Variants in ITGA9 observed in about 807,000 individuals in gnomAD.
ITGA9 encodes integrin subunit alpha 9.
In ITGA9, 56 loss-of-function variants were observed where a neutral mutation model predicts 127.8. The ratio of observed to expected loss-of-function variants is 0.44; its 90% CI spans 0.35 to 0.55. The LOEUF is 0.55. ITGA9 is among the 20% of genes least tolerant of loss of function. ITGA9 has a pLI of 0.00. For synonymous variants in ITGA9, 508 were observed against 514.5 expected, an observed-to-expected ratio of 0.99 and a Z score of 0.17; for missense variants, 1,196 against 1,347.1, an observed-to-expected ratio of 0.89 and a Z score of 1.76.
At chr3:37,681,440 C>T (rs1280538485) in intron 17 of ITGA9, among the ~76,000 whole-genome samples, 1 of 152,104 alleles carries the variant, frequency 6.6e-6, no homozygotes, top group Admixed American at 6.5e-5. Flanking sequence ...ACTTGATCAC[C>T]CTTAGATCAC....
intron 19 of ITGA9, 172 bp downstream of exon 19, chr3:37,732,970 G>T: frequency 1.5e-6 from 1 of 665,994 alleles, no homozygotes; most frequent in Non-Finnish European, 2.7e-6. Context: ...TGTACACCGG[G>T]GTATACTCCG....
At chr3:37,580,273 C>G (rs1263517241) in intron 15 of ITGA9, among the ~76,000 whole-genome samples, 1 of 152,122 alleles carries the variant, frequency 6.6e-6, no homozygotes, top group African/African-American at 2.4e-5. Context: ...GACAGGGAAT[C>G]CTTCTGAAAA....
intron 26 of ITGA9, among the ~76,000 whole-genome samples, chr3:37,788,368 A>G (rs192946489): frequency 1.3e-5 from 2 of 152,308 alleles, no homozygotes; most frequent in East Asian, 1.9e-4. Flanking sequence ...GTCATAAACT[A>G]CAGAACCTTA....
intron 17 of ITGA9, among the ~76,000 whole-genome samples, chr3:37,661,549 G>C (rs1430645019): frequency 6.6e-6 from 1 of 152,222 alleles, no homozygotes; most frequent in Non-Finnish European, 1.5e-5. Context: ...CAATGTGAGG[G>C]AAGATACAAT....
At chr3:37,602,282 A>C (rs2154759) in intron 15 of ITGA9, among the ~76,000 whole-genome samples, 80,385 of 151,996 alleles carry the variant, frequency 0.53, 21,816 homozygotes, top group East Asian at 0.61. Flanking sequence ...CAAAACAAAA[A>C]AAAAATGTTT....
chr3:37,697,829 T>A (rs1700901755), intron 18 of ITGA9, among the ~76,000 whole-genome samples: 1 of 152,220 alleles, frequency 6.6e-6, no homozygotes, highest in Non-Finnish European at 1.5e-5. Context: ...GCATGATTTA[T>A]AATCCTTTGG....
At position 37,743,971 on chromosome 3, in the gene ITGA9, A is replaced by G; in HGVS notation, c.2370A>G (p.Ala790=). Residue 790 remains alanine, a synonymous_variant, in exon 22 of 28, where the codon GCA becomes GCG. Transcript: ENST00000264741. ...TTGTATATGGCGAGTCCGTGGACGC[A>G]GCCAACTTCATTCAGCTGGATGACC... is the stretch of plus-strand genomic sequence containing the variant. ...TSFVYGESVD[A]ANFIQLDDLE... is the part of the protein sequence containing the mutation. 1 of 1,614,138 alleles carries G rather than the reference A, an allele frequency of 6.2e-7. No individual in the cohort carries two copies. The highest frequency in any genetic ancestry group is 8.5e-7 in the Non-Finnish European group (1 of 1,179,958).
At chr3:37,634,698 CAG>C (rs1226071260) in intron 16 of ITGA9, among the ~76,000 whole-genome samples, 3 of 152,162 alleles carry the variant, frequency 2.0e-5, no homozygotes, top group Non-Finnish European at 4.4e-5. Flanking sequence ...ATCATCCAGA[CAG>C]AAAATCAATA....
chr3:37,735,357 C>T (rs1239849364), intron 19 of ITGA9, among the ~76,000 whole-genome samples: 3 of 152,100 alleles, frequency 2.0e-5, no homozygotes, highest in Non-Finnish European at 4.4e-5. Context: ...GCTGACCAGT[C>T]CCACAGCAAC....
At chr3:37,659,873 G>A (rs1419927213) in intron 17 of ITGA9, among the ~76,000 whole-genome samples, 1 of 151,894 alleles carries the variant, frequency 6.6e-6, no homozygotes, top group South Asian at 2.1e-4. Flanking sequence ...CTGTATGGAC[G>A]TACACTAGTA....
intron 20 of ITGA9, among the ~76,000 whole-genome samples, chr3:37,740,331 G>A (rs911858086): frequency 6.6e-6 from 1 of 152,100 alleles, no homozygotes; most frequent in Non-Finnish European, 1.5e-5. Context: ...GTGAACTTGG[G>A]AACCAACTGT....
At chr3:37,725,022 C>T (rs1031586509) in intron 18 of ITGA9, among the ~76,000 whole-genome samples, 2 of 152,176 alleles carry the variant, frequency 1.3e-5, no homozygotes, top group Non-Finnish European at 2.9e-5. Context: ...AGCACCCTCT[C>T]TGTGACTTCT....
chr3:37,452,220 C>A lies in ITGA9; in HGVS notation c.-155C>A. The A allele has an allele frequency of 4.5e-6, 1 of 220,284 alleles. No individual in the cohort carries two copies. Among genetic ancestry groups the A allele is most frequent in the Non-Finnish European group, 7.6e-6 (1 of 131,174 alleles). The allele number at this position is 220,284 out of a possible 1,614,324, so 13.6% of individuals were successfully genotyped here. On this transcript the variant is annotated 5_prime_UTR_variant, in exon 1 of 28. Coordinates refer to ENST00000264741, the MANE Select transcript of ITGA9 (RefSeq NM_002207.3). This position sits in a 1 kb window ranked among gnomAD's most constrained non-coding sequence, Gnocchi z 7.3. Reference sequence around the variant, plus strand: ...CTTCAGCGCCCGCTCAGCCCGCCGTCCGCGCCCCGGTGGCGGGCCCGACGC... The same window carrying A: ...CTTCAGCGCCCGCTCAGCCCGCCGTACGCGCCCCGGTGGCGGGCCCGACGC...
intron 26 of ITGA9, among the ~76,000 whole-genome samples, chr3:37,803,054 C>T (rs1697253205): frequency 6.6e-6 from 1 of 152,210 alleles, no homozygotes; most frequent in Admixed American, 6.5e-5. Flanking sequence ...GTGGGGTCCA[C>T]AGTCTACTGG....
chr3:37,732,699 C>A lies in ITGA9; in HGVS notation c.2068-13C>A. On this transcript the variant is annotated splice_polypyrimidine_tract_variant and intron_variant, in intron 18 of 27. Coordinates refer to ENST00000264741, the MANE Select transcript of ITGA9 (RefSeq NM_002207.3). The stretch of plus-strand genomic sequence containing the variant: ...TGTGCAGCCGGCCCATCTGTTGGTG[C>A]TTTTTCTTTCAGGAGGAGATGGGCA... 1 of 1,599,788 alleles carries A rather than the reference C, an allele frequency of 6.3e-7. No individual in the cohort carries two copies. The highest frequency in any genetic ancestry group is 8.5e-7 in the Non-Finnish European group (1 of 1,173,236).
At chr3:37,657,706 G>C (rs1700492872) in intron 17 of ITGA9, among the ~76,000 whole-genome samples, 1 of 147,332 alleles carries the variant, frequency 6.8e-6, no homozygotes, top group Admixed American at 6.8e-5. Context: ...GTTCTGTTCT[G>C]ATCTTAATTA....
intron 16 of ITGA9, among the ~76,000 whole-genome samples, chr3:37,647,057 C>T (rs1349822722): frequency 2.0e-5 from 3 of 152,086 alleles, no homozygotes; most frequent in Admixed American, 1.3e-4. Flanking sequence ...AGAACACAGG[C>T]ACTGAGTTTC....
At position 37,721,877 on chromosome 3, in the gene ITGA9, G is replaced by A. The variant is rs148109490; in HGVS notation, c.2068-10835G>A. Reference sequence around the variant, plus strand: ...AGAAACCTTTTCTGCTCATTGTTGCGCGTTCCCCACCCCAGGCCCCGTCTG... The same window carrying A: ...AGAAACCTTTTCTGCTCATTGTTGCACGTTCCCCACCCCAGGCCCCGTCTG... On this transcript the variant is annotated intron_variant, in intron 18 of 27. Coordinates refer to ENST00000264741, the MANE Select transcript of ITGA9 (RefSeq NM_002207.3). Among the ~76,000 whole-genome samples the A allele has an allele frequency of 2.0e-3, 307 of 152,214 alleles. 1 individual carries two copies. The highest frequency in any genetic ancestry group is 7.0e-3 in the African/African-American group (290 of 41,534).
chr3:37,662,230 C>T (rs759798761), intron 17 of ITGA9, among the ~76,000 whole-genome samples: 7 of 152,000 alleles, frequency 4.6e-5, no homozygotes, highest in South Asian at 4.2e-4. Flanking sequence ...GTCAAAACTC[C>T]GTCTCTAAAA....
Sources: gnomAD v4.1 joint callset for allele counts (sites outside exome capture counted in the v4.1 genomes callset) on GRCh38, gnomAD v4.1.1 for gene constraint, Gnocchi (gnomAD v3.1) non-coding constraint, MANE v1.5 for transcripts, NCBI Gene and HGNC (gene_info 2026-07-23, HGNC 2026-07-21) for gene names.